The following TCEA3 variants were observed in gnomAD, a reference collection of about 807,000 sequenced individuals.
TCEA3 encodes transcription elongation factor A3, also known as transcription elongation factor A protein 3.
Under a neutral mutation model 44.0 loss-of-function variants are expected in TCEA3, and 36 were observed. That is an observed-to-expected ratio of 0.82 (90% CI 0.63 to 1.08). The LOEUF is 1.08. TCEA3 is among the 50% of genes least tolerant of loss of function. TCEA3 has a pLI of 0.00. For missense variants in TCEA3, 392 were observed against 441.2 expected (o/e 0.89, Z 1.00); for synonymous variants, 162 against 159.7 (o/e 1.01, Z -0.11).
intron 7 of TCEA3, among the ~76,000 whole-genome samples, chr1:23,394,438 C>T (rs1337773120): frequency 1.3e-5 from 2 of 152,122 alleles, no homozygotes; most frequent in South Asian, 2.1e-4. Flanking sequence ...ATATCAAATG[C>T]TCAACATGTA....
chr1:23,384,483 G>C, intron 9 of TCEA3, 66 bp from the exon 10 acceptor site: 2 of 1,531,686 alleles, frequency 1.3e-6, no homozygotes, highest in Non-Finnish European at 8.9e-7. Context: ...GGCTCCCACT[G>C]TCTTTAGGAG....
chr1:23,408,886 G>T (rs3765939), intron 4 of TCEA3, among the ~76,000 whole-genome samples, 160 bp from the exon 5 acceptor site: 1 of 152,182 alleles, frequency 6.6e-6, no homozygotes, highest in Non-Finnish European at 1.5e-5. Flanking sequence ...AGGCGGTGCC[G>T]GCTGGTCATG....
intron 8 of TCEA3, among the ~76,000 whole-genome samples, chr1:23,387,801 G>C (rs1367518062): frequency 6.6e-6 from 1 of 152,098 alleles, no homozygotes; most frequent in Non-Finnish European, 1.5e-5. Flanking sequence ...GTTCCCCTTA[G>C]CCTTCCTCTC....
chr1:23,409,592 T>C (rs1450206167), intron 4 of TCEA3, among the ~76,000 whole-genome samples: 1 of 152,160 alleles, frequency 6.6e-6, no homozygotes, highest in East Asian at 1.9e-4. Flanking sequence ...TCACCCAGGC[T>C]GGAGTGCAGT....
chr1:23,419,316 C>T (rs911362998), intron 1 of TCEA3, 177 bp from the exon 2 acceptor site: 14 of 411,214 alleles, frequency 3.4e-5, no homozygotes, highest in Admixed American at 4.3e-5. Context: ...GGTGCTCTAA[C>T]TTCATCCCCC....
rs1233824243 is a variant in TCEA3 at position 23,383,731 on chromosome 1, ACT to A, written c.1038+613_1038+614del. On this transcript the variant is annotated intron_variant, in intron 10 of 10. Coordinates refer to ENST00000450454, the MANE Select transcript of TCEA3 (RefSeq NM_003196.3). ...AAACTGACAATAGGCACGTGACCAC[ACT>A]CTGTTCCTTCAGGAGACTTGGCAGG... is the stretch of plus-strand genomic sequence containing the variant. 13 of 985,382 alleles carry A rather than the reference ACT, an allele frequency of 1.3e-5. 1 individual carries two copies. In the South Asian group the frequency reaches 3.8e-4, roughly 28 times the overall value. 61.0% of individuals were successfully genotyped at this position (985,382 alleles called of 1,614,324 possible). A position where few individuals can be genotyped will look rare whatever the true frequency, so the allele number is the denominator to read the frequency against.
At chr1:23,390,097 G>C (rs1638975851) in intron 8 of TCEA3, among the ~76,000 whole-genome samples, 1 of 152,156 alleles carries the variant, frequency 6.6e-6, no homozygotes, top group African/African-American at 2.4e-5. Flanking sequence ...GGGTCTGGTG[G>C]GTCATGAAGA....
intron 3 of TCEA3, 89 bp downstream of exon 3, chr1:23,417,815 T>A: frequency 8.2e-7 from 1 of 1,222,028 alleles, no homozygotes; most frequent in Non-Finnish European, 1.2e-6. Context: ...TCAACAGACA[T>A]ACACTGAGTG....
chr1:23,419,131 G>A lies in TCEA3; in HGVS notation c.78C>T (p.Ala26=), dbSNP rs747732879. Residue 26 remains alanine, a synonymous_variant, in exon 2 of 11, where the codon GCC becomes GCT. Transcript: ENST00000450454. The stretch of plus-strand genomic sequence containing the variant: ...TGTGCAGCTTCTTCAGAAGGTCCAG[G>A]GCCCCTTCCTGTGGGAGGCCACAAG... The part of the protein sequence containing the change: ...KMVARKNTEG[A]LDLLKKLHSC... The A allele has an allele frequency of 3.8e-6, 6 of 1,595,638 alleles. No individual in the cohort carries two copies. In the Admixed American group the frequency reaches 5.2e-5, roughly 14 times the overall value.
At chr1:23,420,927 C>A (rs1204279165) in intron 1 of TCEA3, among the ~76,000 whole-genome samples, 5 of 152,152 alleles carry the variant, frequency 3.3e-5, no homozygotes, top group Admixed American at 6.5e-5. Flanking sequence ...CTGGGGAGCA[C>A]CAGGGGACGG....
At chr1:23,413,465 G>A (rs1196014089) in intron 4 of TCEA3, among the ~76,000 whole-genome samples, 1 of 145,468 alleles carries the variant, frequency 6.9e-6, no homozygotes. Flanking sequence ...ACAGAATCTC[G>A]CTCTGTCATC....
At chr1:23,398,761 A>G (rs1639295120) in intron 5 of TCEA3, among the ~76,000 whole-genome samples, 1 of 151,604 alleles carries the variant, frequency 6.6e-6, no homozygotes, top group Non-Finnish European at 1.5e-5. Context: ...TCTTTTTATT[A>G]ATTTATTTTA....
At chr1:23,413,658 T>C (rs1396270492) in intron 4 of TCEA3, among the ~76,000 whole-genome samples, 1 of 152,126 alleles carries the variant, frequency 6.6e-6, no homozygotes, top group East Asian at 1.9e-4. Context: ...GGTCTTGAAC[T>C]CCTGACCTCA....
intron 5 of TCEA3, among the ~76,000 whole-genome samples, chr1:23,399,635 T>C (rs1444716705): frequency 6.6e-6 from 1 of 152,042 alleles, no homozygotes; most frequent in Non-Finnish European, 1.5e-5. Context: ...AAATCTTCTA[T>C]ACAGAATTTA....
intron 4 of TCEA3, among the ~76,000 whole-genome samples, chr1:23,409,311 T>C (rs1051990243): frequency 3.9e-5 from 6 of 152,062 alleles, no homozygotes; most frequent in Admixed American, 6.6e-5. Flanking sequence ...CTAAAGAAAA[T>C]ATACTCAAAT....
intron 5 of TCEA3, 51 bp downstream of exon 5, chr1:23,408,613 G>A (rs746016770): frequency 1.1e-5 from 18 of 1,566,672 alleles, no homozygotes; most frequent in Non-Finnish European, 1.5e-5. Flanking sequence ...CAGAGAAGGG[G>A]ACACAGGCTG....
chr1:23,408,242 A>G (rs61045931), intron 5 of TCEA3, among the ~76,000 whole-genome samples: 3,915 of 152,164 alleles, frequency 0.026, 176 homozygotes, highest in East Asian at 0.21. Context: ...GATTACAGGC[A>G]TGAGCCACTG....
At chr1:23,414,290 C>T (rs1378780239) in intron 4 of TCEA3, among the ~76,000 whole-genome samples, 1 of 152,076 alleles carries the variant, frequency 6.6e-6, no homozygotes, top group Non-Finnish European at 1.5e-5. Flanking sequence ...TGGGGTTTCA[C>T]CATGTTGGCC....
At chr1:23,399,333 A>G (rs1480331248) in intron 5 of TCEA3, among the ~76,000 whole-genome samples, 1 of 151,568 alleles carries the variant, frequency 6.6e-6, no homozygotes, top group Non-Finnish European at 1.5e-5. Context: ...TTGCTTTCTC[A>G]TGAGGGCTCT....
Sources: gnomAD v4.1 joint callset for allele counts (sites outside exome capture counted in the v4.1 genomes callset) on GRCh38, gnomAD v4.1.1 for gene constraint, MANE v1.5 for transcripts, NCBI Gene and HGNC (gene_info 2026-07-23, HGNC 2026-07-21) for gene names.